The following GRIK2 variants were observed in gnomAD, a reference collection of about 807,000 sequenced individuals.
GRIK2 encodes the protein glutamate ionotropic receptor kainate type subunit 2.
GRIK2 carries 32 observed loss-of-function variants against 100.3 expected under a neutral mutation model. The observed-to-expected ratio is 0.32, with a 90% CI of 0.24 to 0.43. The LOEUF is 0.43. GRIK2 is among the 20% of genes least tolerant of loss of function. GRIK2 has a pLI of 1.00. For missense variants in GRIK2, 843 were observed against 1,114.9 expected (o/e 0.76, Z 3.47); for synonymous variants, 417 against 389.4 (o/e 1.07, Z -0.83).
At chr6:101,928,750 G>C (rs1306013787) in intron 14 of GRIK2, 118 bp downstream of exon 14, 1 of 642,828 alleles carries the variant, frequency 1.6e-6, no homozygotes, top group African/African-American at 1.8e-5. Context: ...CTTAATAATA[G>C]CATATACCTC....
At chr6:101,405,751 A>G (rs1000528690) in intron 2 of GRIK2, among the ~76,000 whole-genome samples, 1 of 152,102 alleles carries the variant, frequency 6.6e-6, no homozygotes, top group African/African-American at 2.4e-5. Flanking sequence ...ATCAGTCCCA[A>G]GGTGAAAGTC....
At chr6:101,942,554 A>T (rs931705288) in intron 14 of GRIK2, among the ~76,000 whole-genome samples, 1 of 152,184 alleles carries the variant, frequency 6.6e-6, no homozygotes, top group Non-Finnish European at 1.5e-5. Flanking sequence ...TGAGACGGAG[A>T]TGATGAACTT....
chr6:101,900,522 T>C (rs2128461362), intron 12 of GRIK2, among the ~76,000 whole-genome samples: 1 of 152,280 alleles, frequency 6.6e-6, no homozygotes, highest in East Asian at 1.9e-4. Context: ...TAATACATGA[T>C]TTCCAAACAT....
intron 7 of GRIK2, among the ~76,000 whole-genome samples, chr6:101,783,188 A>G (rs1779206859): frequency 6.6e-6 from 1 of 152,064 alleles, no homozygotes; most frequent in Admixed American, 6.5e-5. Context: ...TAATTCCCAC[A>G]TGACAAAGGA....
rs138853816 is a variant in GRIK2 at position 101,611,815 on chromosome 6, G to A, written c.116-10134G>A. 4.2e-3 allele frequency among the ~76,000 whole-genome samples: 643 copies of A among 151,850 alleles called. 4 individuals are homozygous for A. The highest frequency in any genetic ancestry group is 6.7e-3 in the Admixed American group (101 of 15,180). On this transcript the variant is annotated intron_variant, in intron 2 of 16. Coordinates refer to ENST00000369134, the MANE Select transcript of GRIK2 (RefSeq NM_021956.5). ...CTACTTATTTATTTTTCCATGGTGTGTCCACGGGTCACATGTATATATGTT... is the reference window on the plus strand; with the variant it reads ...CTACTTATTTATTTTTCCATGGTGTATCCACGGGTCACATGTATATATGTT...
At chr6:101,694,397 G>A (rs1235951647) in intron 7 of GRIK2, among the ~76,000 whole-genome samples, 2 of 152,082 alleles carry the variant, frequency 1.3e-5, no homozygotes, top group Non-Finnish European at 2.9e-5. Flanking sequence ...TTGGGAAACA[G>A]TGGGATATAA....
chr6:101,494,626 T>C (rs1773326197), intron 2 of GRIK2, among the ~76,000 whole-genome samples: 1 of 151,888 alleles, frequency 6.6e-6, no homozygotes, highest in Non-Finnish European at 1.5e-5. Context: ...AAAAACACAA[T>C]ACTTCATATT....
chr6:101,731,494 AT>A (rs1775266676), intron 7 of GRIK2, among the ~76,000 whole-genome samples: 7 of 152,040 alleles, frequency 4.6e-5, no homozygotes, highest in African/African-American at 1.7e-4. Flanking sequence ...TGACAAAAAC[AT>A]TTGCACATAG....
At chr6:101,896,889 C>CA (rs1787480792) in intron 12 of GRIK2, among the ~76,000 whole-genome samples, 1 of 151,508 alleles carries the variant, frequency 6.6e-6, no homozygotes, top group Admixed American at 6.6e-5. Context: ...TGAAGAAACT[C>CA]AGAGTGCTAA....
At chr6:101,884,964 G>A (rs2128455305) in intron 11 of GRIK2, among the ~76,000 whole-genome samples, 1 of 152,194 alleles carries the variant, frequency 6.6e-6, no homozygotes, top group African/African-American at 2.4e-5. Flanking sequence ...TAGCTGCTGT[G>A]TAGGTGTCTT....
At chr6:101,895,973 A>G (rs1036474978) in intron 12 of GRIK2, among the ~76,000 whole-genome samples, 7 of 151,806 alleles carry the variant, frequency 4.6e-5, no homozygotes, top group African/African-American at 1.4e-4. Context: ...CCTAAAAGTA[A>G]ACATTGATGA....
intron 4 of GRIK2, among the ~76,000 whole-genome samples, chr6:101,656,185 C>G (rs1256084465): frequency 6.6e-6 from 1 of 151,666 alleles, no homozygotes; most frequent in Non-Finnish European, 1.5e-5. Flanking sequence ...TGCTCATAAT[C>G]CCAGCTACTT....
chr6:101,765,414 C>G (rs756233359), intron 7 of GRIK2, among the ~76,000 whole-genome samples: 28 of 151,994 alleles, frequency 1.8e-4, no homozygotes, highest in Admixed American at 3.3e-4. Flanking sequence ...CCTTCTGAAT[C>G]TAAATGACAT....
chr6:101,776,324 AGTT>A (rs921564810), intron 7 of GRIK2, among the ~76,000 whole-genome samples: 10 of 152,230 alleles, frequency 6.6e-5, no homozygotes, highest in Admixed American at 3.3e-4. Context: ...TTCATACAAT[AGTT>A]TGTTAAGCAA....
intron 2 of GRIK2, among the ~76,000 whole-genome samples, chr6:101,565,195 A>G (rs997053938): frequency 1.4e-4 from 22 of 152,216 alleles, no homozygotes; most frequent in African/African-American, 5.3e-4. Context: ...AGAAGTATAT[A>G]TAGAGCTCTA....
intron 15 of GRIK2, among the ~76,000 whole-genome samples, chr6:102,039,042 C>A (rs1028228136): frequency 6.6e-6 from 1 of 151,220 alleles, no homozygotes; most frequent in Non-Finnish European, 1.5e-5. Flanking sequence ...CATATATCCA[C>A]CCCTGCCCCA....
chr6:101,482,835 G>A (rs1323356448), intron 2 of GRIK2, among the ~76,000 whole-genome samples: 1 of 151,892 alleles, frequency 6.6e-6, no homozygotes, highest in African/African-American at 2.4e-5. Flanking sequence ...AAAAACAGCT[G>A]GTATAACCTT....
intron 14 of GRIK2, among the ~76,000 whole-genome samples, chr6:101,997,614 G>T (rs1341310041): frequency 6.6e-6 from 1 of 152,034 alleles, no homozygotes; most frequent in Non-Finnish European, 1.5e-5. Context: ...TCACCACACA[G>T]TGTTAATTCA....
At chr6:101,732,033 A>G (rs1369583175) in intron 7 of GRIK2, among the ~76,000 whole-genome samples, 4 of 152,092 alleles carry the variant, frequency 2.6e-5, no homozygotes, top group African/African-American at 9.7e-5. Context: ...GAACATTACA[A>G]AAGATAGAAA....
Sources: allele counts gnomAD v4.1 joint callset (sites outside exome capture counted in the v4.1 genomes callset), GRCh38; gene constraint gnomAD v4.1.1; transcripts MANE v1.5; gene names NCBI Gene and HGNC (gene_info 2026-07-23, HGNC 2026-07-21).